The following RNF185 variants were observed in gnomAD, a reference collection of about 807,000 sequenced individuals.
The protein encoded by RNF185 is E3 ubiquitin-protein ligase RNF185.
RNF185 carries 13 observed loss-of-function variants against 24.9 expected under a neutral mutation model. That is an observed-to-expected ratio of 0.52 (90% CI 0.34 to 0.83). The LOEUF is 0.83. RNF185 is among the 40% of genes least tolerant of loss of function. The probability of loss-of-function intolerance (pLI) is 0.01; values close to 1 mark genes in which losing one functional copy is unlikely to be tolerated. For missense variants in RNF185, 184 were observed against 244.7 expected (o/e 0.75, Z 1.65); for synonymous variants, 79 against 90.3 (o/e 0.88, Z 0.71).
intron 1 of RNF185, among the ~76,000 whole-genome samples, chr22:31,167,296 G>C (rs1923987396): frequency 6.6e-6 from 1 of 152,066 alleles, no homozygotes; most frequent in African/African-American, 2.4e-5. Context: ...GCCCCCTAAA[G>C]TGCTGGAATT....
At chr22:31,191,709 A>G (rs2048157462) in intron 2 of RNF185, among the ~76,000 whole-genome samples, 1 of 151,816 alleles carries the variant, frequency 6.6e-6, no homozygotes, top group Non-Finnish European at 1.5e-5. Context: ...GCACACACCT[A>G]TAATCCCAGC....
At chr22:31,167,648 G>A (rs376998398) in intron 1 of RNF185, among the ~76,000 whole-genome samples, 2 of 119,184 alleles carry the variant, frequency 1.7e-5, no homozygotes, top group East Asian at 2.7e-4. Context: ...GTCTCACTCC[G>A]TTGTCACCCA....
intron 1 of RNF185, among the ~76,000 whole-genome samples, chr22:31,175,577 A>T (rs1360271475): frequency 2.0e-5 from 3 of 152,116 alleles, no homozygotes; most frequent in Admixed American, 6.6e-5. Flanking sequence ...CCCTGGGGGT[A>T]TTCAGCACTG....
chr22:31,169,063 A>G (rs1924121737), intron 1 of RNF185, among the ~76,000 whole-genome samples: 1 of 151,960 alleles, frequency 6.6e-6, no homozygotes, highest in African/African-American at 2.4e-5. Flanking sequence ...GTGTGCCACC[A>G]CACCTGGCTA....
At position 31,201,563 on chromosome 22, in the gene RNF185, C is replaced by T. The variant is rs2048263393; in HGVS notation, c.429C>T (p.Pro143=). ...FQMSFGIGAF[P]FGIFATAFNI... Reference sequence around the variant, plus strand: ...TGTCTTTTGGAATTGGGGCATTTCCCTTTGGGATATTTGCCACAGCATTTA... The same window carrying T: ...TGTCTTTTGGAATTGGGGCATTTCCTTTTGGGATATTTGCCACAGCATTTA... The change falls in exon 6 of 7, where the codon CCC becomes CCT. Residue 143 remains proline (P), a synonymous_variant. Coordinates refer to ENST00000326132, the MANE Select transcript of RNF185 (RefSeq NM_152267.4). The T allele has an allele frequency of 1.2e-6, 2 of 1,612,532 alleles. No homozygotes were observed. The highest frequency in any genetic ancestry group is 1.7e-6 in the Non-Finnish European group (2 of 1,179,884).
intron 2 of RNF185, among the ~76,000 whole-genome samples, chr22:31,189,169 G>C (rs1322877155): frequency 1.4e-5 from 2 of 142,736 alleles, no homozygotes. Context: ...GTGTGTTTGT[G>C]TTTGTGTATG....
chr22:31,162,629 T>C (rs1923648669), intron 1 of RNF185, among the ~76,000 whole-genome samples: 1 of 152,034 alleles, frequency 6.6e-6, no homozygotes, highest in Non-Finnish European at 1.5e-5. Flanking sequence ...TTTTTTTTTT[T>C]TTTAATTGAA....
chr22:31,183,873 G>T (rs1302069965), intron 1 of RNF185, among the ~76,000 whole-genome samples: 1 of 152,168 alleles, frequency 6.6e-6, no homozygotes. Context: ...TTGTCATCAT[G>T]GCCCGTTCTC....
At chr22:31,184,861 G>A (rs34900659) in intron 1 of RNF185, among the ~76,000 whole-genome samples, 16 of 151,504 alleles carry the variant, frequency 1.1e-4, no homozygotes, top group Non-Finnish European at 1.8e-4. Context: ...CCAAGATGGC[G>A]GCAGTACTGT....
intron 1 of RNF185, among the ~76,000 whole-genome samples, chr22:31,175,141 C>A (rs919255954): frequency 6.6e-6 from 1 of 151,582 alleles, no homozygotes; most frequent in Non-Finnish European, 1.5e-5. Flanking sequence ...CTCTAGAATC[C>A]CCACTCAGAT....
At chr22:31,188,260 T>G (rs1404040425) in intron 2 of RNF185, among the ~76,000 whole-genome samples, 1 of 152,116 alleles carries the variant, frequency 6.6e-6, no homozygotes, top group African/African-American at 2.4e-5. Context: ...TAAACAATAT[T>G]TAAGGGATTT....
intron 5 of RNF185, among the ~76,000 whole-genome samples, chr22:31,198,162 G>A (rs1304399964): frequency 6.6e-6 from 1 of 152,054 alleles, no homozygotes; most frequent in East Asian, 1.9e-4. Context: ...CATTCTGTTT[G>A]CTTTAAAATT....
intron 1 of RNF185, among the ~76,000 whole-genome samples, chr22:31,184,075 G>A (rs937291396): frequency 5.3e-5 from 8 of 150,966 alleles, no homozygotes; most frequent in African/African-American, 1.7e-4. Context: ...CTCCCTTCCC[G>A]GACGGGGCGG....
At chr22:31,164,970 G>A (rs1923824353) in intron 1 of RNF185, among the ~76,000 whole-genome samples, 1 of 151,574 alleles carries the variant, frequency 6.6e-6, no homozygotes, top group African/African-American at 2.4e-5. Flanking sequence ...GAGTGCAGTG[G>A]CGCAATCTTG....
At chr22:31,174,176 G>C (rs1329025862) in intron 1 of RNF185, among the ~76,000 whole-genome samples, 1 of 152,088 alleles carries the variant, frequency 6.6e-6, no homozygotes, top group Non-Finnish European at 1.5e-5. Context: ...AAAAACAAAG[G>C]CTCAGAAAGA....
intron 3 of RNF185, 26 bp from the exon 4 acceptor site, chr22:31,195,443 C>T: frequency 6.5e-7 from 1 of 1,528,154 alleles, no homozygotes; most frequent in African/African-American, 1.4e-5. Context: ...GGGCCATCCA[C>T]ATGCATTTTT....
intron 1 of RNF185, among the ~76,000 whole-genome samples, chr22:31,173,525 C>T (rs545632753): frequency 2.6e-5 from 4 of 152,200 alleles, no homozygotes; most frequent in South Asian, 4.2e-4. Context: ...CTTGACAAGA[C>T]GCACAAGAAC....
chr22:31,165,355 C>CTGATGA (rs953445349), intron 1 of RNF185, among the ~76,000 whole-genome samples: 3 of 152,022 alleles, frequency 2.0e-5, no homozygotes, highest in East Asian at 3.8e-4. Context: ...TCCTTAATGG[C>CTGATGA]TGATGATGAT....
chr22:31,185,929 C>G (rs151271643), intron 1 of RNF185, among the ~76,000 whole-genome samples: 182 of 152,226 alleles, frequency 1.2e-3, no homozygotes, highest in East Asian at 2.9e-3. Flanking sequence ...CAGTCTCAGC[C>G]CCACATTAGT....
Sources: allele counts gnomAD v4.1 joint callset (sites outside exome capture counted in the v4.1 genomes callset), GRCh38; gene constraint gnomAD v4.1.1; transcripts MANE v1.5; gene names NCBI Gene and HGNC (gene_info 2026-07-23, HGNC 2026-07-21).